The following MCF2L2 variants were observed in gnomAD, a reference collection of about 807,000 sequenced individuals.
MCF2L2 encodes the protein probable guanine nucleotide exchange factor MCF2L2.
MCF2L2 carries 102 observed loss-of-function variants against 150.2 expected under a neutral mutation model. The observed-to-expected ratio is 0.68, with a 90% confidence interval of 0.58 to 0.80. MCF2L2 has a LOEUF of 0.80. Among genes scored for constraint, MCF2L2 ranks in the 30% least tolerant of loss-of-function variants. The pLI, the probability that MCF2L2 is intolerant of heterozygous loss-of-function variation, is 0.00. For missense variants in MCF2L2, 1,256 were observed against 1,372.8 expected (o/e 0.91, Z 1.34); for synonymous variants, 465 against 491.3 (o/e 0.95, Z 0.71).
chr3:183,214,500 C>A (rs1400998105), intron 22 of MCF2L2, among the ~76,000 whole-genome samples: 2 of 151,974 alleles, frequency 1.3e-5, no homozygotes, highest in African/African-American at 4.8e-5. Context: ...AAAAATAACT[C>A]ATTTTTCGGA....
chr3:183,334,616 T>C (rs113822251), intron 5 of MCF2L2, among the ~76,000 whole-genome samples: 39,060 of 150,376 alleles, frequency 0.26, 7,272 homozygotes, highest in African/African-American at 0.53. Context: ...GGTGAAACCC[T>C]GTCTCTACTA....
intron 3 of MCF2L2, among the ~76,000 whole-genome samples, chr3:183,353,954 C>T (rs1203252499): frequency 6.6e-6 from 1 of 151,996 alleles, no homozygotes; most frequent in African/African-American, 2.4e-5. Context: ...TAGGTGTAAA[C>T]CAAAAATAAA....
chr3:183,421,445 A>G (rs1715877270), intron 1 of MCF2L2, among the ~76,000 whole-genome samples: 1 of 152,174 alleles, frequency 6.6e-6, no homozygotes, highest in South Asian at 2.1e-4. Context: ...CTCCTCTAGT[A>G]AATTTTTAAT....
At chr3:183,257,267 C>A (rs1187835549) in intron 15 of MCF2L2, among the ~76,000 whole-genome samples, 1 of 152,174 alleles carries the variant, frequency 6.6e-6, no homozygotes, top group Non-Finnish European at 1.5e-5. Context: ...GCACAGTATA[C>A]ATCTACTTTT....
At chr3:183,313,143 T>A (rs538826694) in intron 7 of MCF2L2, among the ~76,000 whole-genome samples, 7 of 152,126 alleles carry the variant, frequency 4.6e-5, no homozygotes, top group Non-Finnish European at 1.0e-4. Context: ...TACTCTTGGG[T>A]CAGTATCTTA....
chr3:183,341,761 A>C, intron 3 of MCF2L2, 131 bp from the exon 4 acceptor site: 1 of 634,308 alleles, frequency 1.6e-6, no homozygotes, highest in Non-Finnish European at 2.9e-6. Context: ...GCACAGCACA[A>C]CCAACTCCCT....
rs998988541 is a variant in MCF2L2, at chr3:183,308,159, C to G, written c.1113+1557G>C. 6.2e-4 allele frequency among the ~76,000 whole-genome samples: 94 copies of G among 152,092 alleles called. 1 individual carries two copies. Among genetic ancestry groups the G allele is most frequent in the Non-Finnish European group, 2.5e-4 (17 of 68,026 alleles). On this transcript the variant is annotated intron_variant, in intron 10 of 29. Coordinates refer to ENST00000328913, the MANE Select transcript of MCF2L2 (RefSeq NM_015078.4). ...CTGTCTCTCTCCAGTAGAATGTAAG[C>G]TCCATGAGGGCAGATTCTGGACTGT...
chr3:183,404,541 C>G (rs921626104), intron 1 of MCF2L2, among the ~76,000 whole-genome samples: 1 of 152,134 alleles, frequency 6.6e-6, no homozygotes, highest in Admixed American at 6.5e-5. Context: ...ACTCTCTAAT[C>G]CAATAATATT....
At chr3:183,402,656 AC>A (rs1481589040) in intron 1 of MCF2L2, among the ~76,000 whole-genome samples, 1 of 151,834 alleles carries the variant, frequency 6.6e-6, no homozygotes, top group African/African-American at 2.4e-5. Context: ...TTTTAAAAAA[AC>A]AAATGCTTGA....
chr3:183,209,258 T>C (rs1560342892), intron 22 of MCF2L2, among the ~76,000 whole-genome samples: 2 of 152,180 alleles, frequency 1.3e-5, no homozygotes, highest in Admixed American at 6.5e-5. Flanking sequence ...GTGCAGGAAA[T>C]ATGTTTTAGT....
chr3:183,349,929 C>A (rs1218206607), intron 3 of MCF2L2, among the ~76,000 whole-genome samples: 1 of 152,016 alleles, frequency 6.6e-6, no homozygotes, highest in Non-Finnish European at 1.5e-5. Context: ...AAGGGAGCCA[C>A]CAGGACTCTT....
At chr3:183,274,965 GTTTT>G (rs763718357) in intron 15 of MCF2L2, among the ~76,000 whole-genome samples, 2 of 143,522 alleles carry the variant, frequency 1.4e-5, no homozygotes, top group African/African-American at 2.5e-5. Flanking sequence ...CTATAGCTTG[GTTTT>G]TTTTTTTTTA....
intron 15 of MCF2L2, among the ~76,000 whole-genome samples, chr3:183,255,020 A>G (rs547238225): frequency 6.6e-6 from 1 of 152,342 alleles, no homozygotes; most frequent in Non-Finnish European, 1.5e-5. Flanking sequence ...GATCATGTTA[A>G]AGGTACACCG....
At chr3:183,311,259 G>A (rs1340515345) in intron 8 of MCF2L2, among the ~76,000 whole-genome samples, 4 of 152,178 alleles carry the variant, frequency 2.6e-5, no homozygotes, top group South Asian at 2.1e-4. Flanking sequence ...TGCTTCAGAT[G>A]CAGCTGCTGT....
chr3:183,419,874 G>GA (rs1203467682), intron 1 of MCF2L2, among the ~76,000 whole-genome samples: 2 of 151,810 alleles, frequency 1.3e-5, no homozygotes, highest in Admixed American at 6.6e-5. Flanking sequence ...CTCTGCCTCA[G>GA]AAAAAAAAGA....
chr3:183,225,152 G>T (rs1200623619), intron 18 of MCF2L2: 1 of 152,334 alleles, frequency 6.6e-6, no homozygotes, highest in African/African-American at 2.4e-5. Context: ...AATGATGCCT[G>T]TTCTACTCCC....
intron 1 of MCF2L2, among the ~76,000 whole-genome samples, chr3:183,400,026 C>T (rs921142111): frequency 1.3e-5 from 2 of 152,200 alleles, no homozygotes; most frequent in Non-Finnish European, 2.9e-5. Flanking sequence ...ATTCAGTGCA[C>T]ATATATGTAT....
At chr3:183,383,523 G>A (rs1367313889) in intron 2 of MCF2L2, among the ~76,000 whole-genome samples, 1 of 152,006 alleles carries the variant, frequency 6.6e-6, no homozygotes, top group Non-Finnish European at 1.5e-5. Flanking sequence ...ACAGGCGTAA[G>A]CCACCATGCC....
At chr3:183,348,614 A>G (rs762812262) in intron 3 of MCF2L2, among the ~76,000 whole-genome samples, 3 of 152,192 alleles carry the variant, frequency 2.0e-5, no homozygotes, top group Non-Finnish European at 2.9e-5. Context: ...GAGTAAATAC[A>G]CTGCTTACAA....
Sources: allele counts gnomAD v4.1 joint callset (sites outside exome capture counted in the v4.1 genomes callset), GRCh38; gene constraint gnomAD v4.1.1; transcripts MANE v1.5; gene names NCBI Gene and HGNC (gene_info 2026-07-23, HGNC 2026-07-21).